Variants in PDZD2 observed in about 807,000 individuals in gnomAD.
PDZD2 encodes PDZ domain-containing protein 2.
PDZD2 carries 90 observed loss-of-function variants against 220.7 expected under a neutral mutation model. The ratio of observed to expected loss-of-function variants is 0.41; its 90% CI spans 0.34 to 0.49. The LOEUF (loss-of-function observed/expected upper bound fraction) is 0.49, where lower values mean the gene tolerates loss of function less well. Ranked by LOEUF, PDZD2 falls within the 20% of genes least tolerant of loss-of-function variation. PDZD2 has a pLI of 0.28. For missense variants in PDZD2, 3,174 were observed against 3,608.5 expected, an observed-to-expected ratio of 0.88 and a Z score of 3.08; for synonymous variants, 1,375 against 1,450.5, an observed-to-expected ratio of 0.95 and a Z score of 1.18.
At chr5:31,821,475 G>C (rs1755856478) in intron 2 of PDZD2, among the ~76,000 whole-genome samples, 1 of 151,908 alleles carries the variant, frequency 6.6e-6, no homozygotes. Flanking sequence ...CCGTCTCCCA[G>C]GTTCAAGTGA....
At chr5:31,788,290 G>A (rs1561460172) in intron 1 of PDZD2, among the ~76,000 whole-genome samples, 1 of 152,160 alleles carries the variant, frequency 6.6e-6, no homozygotes, top group African/African-American at 2.4e-5. Flanking sequence ...AGAATTGATT[G>A]AACCCAGGAG....
At position 32,074,623 on chromosome 5, in the gene PDZD2, C is replaced by A. The variant is rs753281016; in HGVS notation, c.3517C>A (p.Pro1173Thr). The change falls in exon 18 of 25, where the codon CCA becomes ACA. Residue 1173 changes from proline (P) to threonine (T), a missense_variant. This residue lies in a region of PDZD2 where 1,861 missense variants were observed against 2,001.0 expected (regional missense o/e 0.93). Coordinates refer to ENST00000438447, the MANE Select transcript of PDZD2 (RefSeq NM_178140.4). ...CAAAGTGACTGTCGCTGGCTTTCAG[C>A]CAGGTGGAGCTGTGGAGAAGGTAAC... Reference protein sequence around the residue: ...SVKVTVAGFQPGGAVEKESLG... With the variant: ...SVKVTVAGFQTGGAVEKESLG... 16 of 1,607,862 alleles carry A rather than the reference C, an allele frequency of 1.0e-5. No homozygotes were observed. Among genetic ancestry groups the A allele is most frequent in the Non-Finnish European group, 1.3e-5 (15 of 1,176,976 alleles).
intron 2 of PDZD2, chr5:31,822,607 A>G: frequency 7.9e-7 from 1 of 1,265,068 alleles, no homozygotes; most frequent in African/African-American, 1.5e-5. Context: ...CATAGATACC[A>G]TCCAAAAATT....
At chr5:31,647,222 G>T (rs756142429) in intron 1 of PDZD2, among the ~76,000 whole-genome samples, 1 of 152,080 alleles carries the variant, frequency 6.6e-6, no homozygotes, top group African/African-American at 2.4e-5. Context: ...CCTAGTACAT[G>T]GGTAAAAATT....
intron 6 of PDZD2, among the ~76,000 whole-genome samples, chr5:32,035,818 G>A (rs1050942191): frequency 5.3e-5 from 8 of 152,198 alleles, no homozygotes; most frequent in African/African-American, 1.9e-4. Flanking sequence ...ACCCCAATTG[G>A]GAGGAAGATT....
chr5:31,662,878 CTGT>C (rs1745831728), intron 1 of PDZD2, among the ~76,000 whole-genome samples: 1 of 152,238 alleles, frequency 6.6e-6, no homozygotes, highest in Non-Finnish European at 1.5e-5. Flanking sequence ...GATCCACCCG[CTGT>C]GGCCTCCCAA....
chr5:31,673,084 G>A (rs1398593065), intron 1 of PDZD2, among the ~76,000 whole-genome samples: 7 of 152,168 alleles, frequency 4.6e-5, no homozygotes, highest in Non-Finnish European at 7.3e-5. Flanking sequence ...GCTCCTGTAC[G>A]GAAGGTACTC....
At chr5:32,021,343 C>T (rs1057311959) in intron 6 of PDZD2, among the ~76,000 whole-genome samples, 1 of 152,178 alleles carries the variant, frequency 6.6e-6, no homozygotes, top group Non-Finnish European at 1.5e-5. Flanking sequence ...CGGCTCACTG[C>T]AACCTCTGCC....
chr5:31,647,870 G>A (rs9292436), intron 1 of PDZD2, among the ~76,000 whole-genome samples: 17,137 of 152,192 alleles, frequency 0.11, 1,721 homozygotes, highest in African/African-American at 0.27. Context: ...CTCTGAGGTT[G>A]CACAGCCAGG....
chr5:32,030,254 T>G (rs1340320560), intron 6 of PDZD2, among the ~76,000 whole-genome samples: 1 of 152,222 alleles, frequency 6.6e-6, no homozygotes, highest in Non-Finnish European at 1.5e-5. Context: ...CCACATTTGT[T>G]GAGCTGGAAA....
intron 1 of PDZD2, chr5:31,711,923 C>T (rs556271954): frequency 2.3e-4 from 35 of 152,436 alleles, no homozygotes; most frequent in African/African-American, 8.4e-4. Flanking sequence ...AAATAGACAA[C>T]ACTTGGAATC....
chr5:32,037,306 G>A lies in PDZD2; in HGVS notation c.1483G>A (p.Gly495Ser), dbSNP rs1433841329. ...SKGNLESPKQ[G>S]SNKIKLKSRL... ...GGGGAACTTGGAAAGTCCCAAACAG[G>A]GCAGCAATAAAATCAAGCTCAAGAG... The change falls in exon 7 of 25, where the codon GGC becomes AGC. Residue 495 changes from glycine (G) to serine (S), a missense_variant. Gly to Ser is a moderately conservative substitution (Grantham distance 56). Around this residue, in one of 4 missense-constraint regions of PDZD2, gnomAD observed 632 missense variants for 708.1 expected, o/e 0.89. Coordinates refer to ENST00000438447, the MANE Select transcript of PDZD2 (RefSeq NM_178140.4). The A allele has an allele frequency of 6.2e-7, 1 of 1,613,276 alleles. No individual in the cohort carries two copies. The highest frequency in any genetic ancestry group is 8.5e-7 in the Non-Finnish European group (1 of 1,179,266).
chr5:31,953,059 C>CAAAAAA (rs776311443), intron 2 of PDZD2, among the ~76,000 whole-genome samples: 1 of 54,004 alleles, frequency 1.9e-5, no homozygotes, highest in Non-Finnish European at 3.8e-5. Context: ...GACTCCATCT[C>CAAAAAA]AAAAAAAAAA....
At chr5:31,653,634 T>C (rs1325727566) in intron 1 of PDZD2, among the ~76,000 whole-genome samples, 1 of 152,220 alleles carries the variant, frequency 6.6e-6, no homozygotes, top group Non-Finnish European at 1.5e-5. Flanking sequence ...AATGGAAAGA[T>C]TTCACTTTAC....
chr5:32,064,594 G>A (rs187569483), intron 14 of PDZD2, among the ~76,000 whole-genome samples: 1 of 152,196 alleles, frequency 6.6e-6, no homozygotes, highest in East Asian at 1.9e-4. Context: ...TGTTGTAAAA[G>A]TCTTTTTAAA....
At chr5:31,685,996 G>C (rs932675194) in intron 1 of PDZD2, among the ~76,000 whole-genome samples, 43 of 151,986 alleles carry the variant, frequency 2.8e-4, no homozygotes, top group Non-Finnish European at 5.3e-4. Context: ...TCAGGAGTTC[G>C]AGATCAGCCT....
At chr5:31,912,958 A>G (rs1259480498) in intron 2 of PDZD2, among the ~76,000 whole-genome samples, 2 of 152,176 alleles carry the variant, frequency 1.3e-5, no homozygotes, top group Non-Finnish European at 2.9e-5. Flanking sequence ...TTTTTATATG[A>G]AAAACATTGC....
chr5:31,826,858 T>C (rs1756257539), intron 2 of PDZD2, among the ~76,000 whole-genome samples: 2 of 152,068 alleles, frequency 1.3e-5, no homozygotes, highest in Non-Finnish European at 2.9e-5. Flanking sequence ...TGAGGAAATA[T>C]AGGCTGAGAA....
At chr5:31,911,908 C>A (rs1379992408) in intron 2 of PDZD2, among the ~76,000 whole-genome samples, 1 of 152,178 alleles carries the variant, frequency 6.6e-6, no homozygotes, top group Admixed American at 6.5e-5. Context: ...TACTGGGATG[C>A]TTCTGATTGG....
Sources: gnomAD v4.1 joint callset for allele counts (sites outside exome capture counted in the v4.1 genomes callset) on GRCh38, gnomAD v4.1.1 for gene constraint, gnomAD v4.1.1 regional missense constraint, MANE v1.5 for transcripts, NCBI Gene and HGNC (gene_info 2026-07-23, HGNC 2026-07-21) for gene names.